KLHL11: variants seen among roughly 807,000 people sequenced by gnomAD.
The protein encoded by KLHL11 is kelch-like protein 11.
In KLHL11, 26 loss-of-function variants were observed where a neutral mutation model predicts 56.1. That is an observed-to-expected ratio of 0.46 (90% confidence interval 0.34 to 0.64). The LOEUF is 0.64. KLHL11 is among the 30% of genes least tolerant of loss of function. The pLI is 0.01. For missense variants in KLHL11, 627 were observed against 919.4 expected, an observed-to-expected ratio of 0.68 and a Z score of 4.11; for synonymous variants, 338 against 345.8, an observed-to-expected ratio of 0.98 and a Z score of 0.25.
Position 41,849,969 on chromosome 17 carries a change from T to A in KLHL11, c.*3771A>T, listed in dbSNP as rs1295194364. The A allele has an allele frequency of 6.6e-6, 1 of 152,228 alleles. No individual in the cohort carries two copies. Among genetic ancestry groups the A allele is most frequent in the Non-Finnish European group, 1.5e-5 (1 of 68,028 alleles). The allele number at this position is 152,228 out of a possible 1,614,324, so 9.4% of individuals were successfully genotyped here. The stretch of plus-strand genomic sequence containing the variant: ...GCAACAAAACAAAGGTTTGCTTGAA[T>A]ACGCATTAAGCTGTCTTTCTAAAGT... On this transcript the variant is annotated 3_prime_UTR_variant, in exon 2 of 2. Transcript: ENST00000319121.
chr17:41,851,515 T>G lies in KLHL11; in HGVS notation c.*2225A>C, dbSNP rs1391362840. ...TACTCAGCAGGCTGAGGCAGGAGAATCACATGAACCCGGGAGGTGGAGGTT... is the reference window on the plus strand; with the variant it reads ...TACTCAGCAGGCTGAGGCAGGAGAAGCACATGAACCCGGGAGGTGGAGGTT... On this transcript the variant is annotated 3_prime_UTR_variant, in exon 2 of 2. Transcript: ENST00000319121. The G allele has an allele frequency of 6.7e-6, 1 of 149,784 alleles. No homozygotes were observed. Among genetic ancestry groups the G allele is most frequent in the African/African-American group, 2.5e-5 (1 of 40,436 alleles). The allele number at this position is 149,784 out of a possible 1,614,324, so 9.3% of individuals were successfully genotyped here. A position where few individuals can be genotyped will look rare whatever the true frequency, so the allele number is the denominator to read the frequency against.
chr17:41,858,146 C>A (rs894902444), intron 1 of KLHL11, among the ~76,000 whole-genome samples: 1 of 151,378 alleles, frequency 6.6e-6, no homozygotes, highest in Non-Finnish European at 1.5e-5. Context: ...TTAATTTGTC[C>A]TTGGCAAAGG....
intron 1 of KLHL11, among the ~76,000 whole-genome samples, chr17:41,861,325 G>A (rs1200811375): frequency 1.3e-5 from 2 of 152,130 alleles, no homozygotes; most frequent in Non-Finnish European, 2.9e-5. Context: ...TTCATATTTT[G>A]TATGACTCTC....
In KLHL11 at chr17:41,865,270, G is replaced by C. The variant is rs1338803641; in HGVS notation, c.101C>G (p.Ala34Gly). 1 of 1,574,294 alleles carries C rather than the reference G, an allele frequency of 6.4e-7. No individual in the cohort carries two copies. Among genetic ancestry groups the C allele is most frequent in the African/African-American group, 1.4e-5 (1 of 72,314 alleles). Residue 34 changes from alanine (A) to glycine (G), a missense_variant, in exon 1 of 2, where the codon GCA (alanine) becomes GGA (glycine). Physicochemically the swap from Ala to Gly is moderately conservative, Grantham distance 60 (BLOSUM62 0). This residue lies in a region of KLHL11 where 121 missense variants were observed against 116.2 expected (regional missense o/e 1.04). Coordinates refer to ENST00000319121, the MANE Select transcript of KLHL11 (RefSeq NM_018143.3). The stretch of plus-strand genomic sequence containing the variant: ...GCCTCGGACCTCGGCGGCCAGTCCT[G>C]CCGAGCCGGCGGCGGCCGTCTCCAT... ...ESMETAAAGS[A>G]GLAAEVRGSG...
chr17:41,850,620 G>T lies in KLHL11; in HGVS notation c.*3120C>A, dbSNP rs1433152941. The T allele has an allele frequency of 6.6e-6, 1 of 152,170 alleles. No homozygotes were observed. Among genetic ancestry groups the T allele is most frequent in the Non-Finnish European group, 1.5e-5 (1 of 68,034 alleles). The allele number at this position is 152,170 out of a possible 1,614,324, so 9.4% of individuals were successfully genotyped here. On this transcript the variant is annotated 3_prime_UTR_variant, in exon 2 of 2. Transcript: ENST00000319121. ...CTAGCACAGTCTGTTGGAGAGAAAT[G>T]AGAACTTCATTTAGTGAGCTTCATT...
Position 41,850,746 on chromosome 17 carries a change from T to C in KLHL11, c.*2994A>G, listed in dbSNP as rs2048327805. 1 of 152,076 alleles carries C rather than the reference T, an allele frequency of 6.6e-6. No individual in the cohort carries two copies. Among genetic ancestry groups the C allele is most frequent in the Non-Finnish European group, 1.5e-5 (1 of 68,018 alleles). The allele number at this position is 152,076 out of a possible 1,614,324, so 9.4% of individuals were successfully genotyped here. A position where few individuals can be genotyped will look rare whatever the true frequency, so the allele number is the denominator to read the frequency against. ...TAAAATAACTACAAAGAAATAGAAA[T>C]TGAGAAAAAGGTAGTGGTGGGATGG... On this transcript the variant is annotated 3_prime_UTR_variant, in exon 2 of 2. Coordinates refer to ENST00000319121, the MANE Select transcript of KLHL11 (RefSeq NM_018143.3).
intron 1 of KLHL11, 152 bp downstream of exon 1, chr17:41,864,674 C>T (rs1482577000): frequency 7.0e-6 from 6 of 853,000 alleles, no homozygotes; most frequent in Non-Finnish European, 9.9e-6. Flanking sequence ...ACCGCGGTGG[C>T]TGCCCCCAAG....
In KLHL11 at chr17:41,854,277, C is replaced by T. The variant is rs141426042; in HGVS notation, c.1590G>A (p.Glu530=). 17 of 1,614,086 alleles carry T rather than the reference C, an allele frequency of 1.1e-5. No individual in the cohort carries two copies. The highest frequency in any genetic ancestry group is 1.4e-5 in the Non-Finnish European group (17 of 1,180,042). The change falls in exon 2 of 2, where the codon GAG becomes GAA. Residue 530 remains glutamate, a synonymous_variant. Coordinates refer to ENST00000319121, the MANE Select transcript of KLHL11 (RefSeq NM_018143.3). This position sits in a 1 kb window ranked among gnomAD's most constrained non-coding sequence, Gnocchi z 4.9. ...ATTCCACATCTTGCCACTGTCGAGT[C>T]TCTGTATCATAGCAAGTAATTACAG... is the stretch of plus-strand genomic sequence containing the variant. The part of the protein sequence containing the change: ...LKAVITCYDT[E]TRQWQDVESL...
intron 1 of KLHL11, among the ~76,000 whole-genome samples, chr17:41,860,584 C>A (rs1156831696): frequency 1.3e-5 from 2 of 152,076 alleles, no homozygotes; most frequent in African/African-American, 2.4e-5. Context: ...CCCAATAGAG[C>A]AGGAGCAAAT....
chr17:41,861,582 A>C (rs782126574), intron 1 of KLHL11, among the ~76,000 whole-genome samples: 1 of 147,188 alleles, frequency 6.8e-6, no homozygotes, highest in Non-Finnish European at 1.5e-5. Flanking sequence ...GCTACTTGGG[A>C]GGCTGAGGCA....
Position 41,854,452 on chromosome 17 carries a change from G to C in KLHL11, c.1415C>G (p.Thr472Ser). 6.2e-7 allele frequency: 1 copy of C among 1,614,178 alleles called. No individual in the cohort carries two copies. Among genetic ancestry groups the C allele is most frequent in the South Asian group, 1.1e-5 (1 of 91,088 alleles). ...GNFSPGFKDV[T>S]VYNPELDKWH... ...TTTATCAAGCTCAGGATTATAAACAGTCACATCTTTAAAACCAGGACTAAA... is the reference window on the plus strand; with the variant it reads ...TTTATCAAGCTCAGGATTATAAACACTCACATCTTTAAAACCAGGACTAAA... The change falls in exon 2 of 2, where the codon ACT (threonine) becomes AGT (serine). Residue 472 changes from threonine (T) to serine (S), a missense_variant. By Grantham distance (58) the Thr-to-Ser change is moderately conservative (BLOSUM62 1). Coordinates refer to ENST00000319121, the MANE Select transcript of KLHL11 (RefSeq NM_018143.3). The surrounding 1 kb of genome is among the most constrained non-coding windows in gnomAD (Gnocchi z 4.9).
At chr17:41,858,525 C>T (rs554894008) in intron 1 of KLHL11, among the ~76,000 whole-genome samples, 10 of 151,434 alleles carry the variant, frequency 6.6e-5, no homozygotes, top group African/African-American at 9.7e-5. Context: ...CTCCGCCTCC[C>T]GGGTTCAAGC....
Position 41,853,752 on chromosome 17 carries a change from C to A in KLHL11, c.2115G>T (p.Gln705His). 1.2e-6 allele frequency: 2 copies of A among 1,609,530 alleles called. No individual in the cohort carries two copies. Among genetic ancestry groups the A allele is most frequent in the Non-Finnish European group, 1.7e-6 (2 of 1,176,568 alleles). ...CGCTTGAGAGAACCTAGCATTCAAT[C>A]TGAGAGCTTGGCACTCGCCTCATGT... is the stretch of plus-strand genomic sequence containing the variant. Reference protein sequence around the residue: ...ALNMRRVPSSQIEC With the variant: ...ALNMRRVPSSHIEC The change falls in exon 2 of 2, where the codon CAG becomes CAT. Residue 705 changes from glutamine (Q) to histidine (H), a missense_variant. Around this residue, in one of 4 missense-constraint regions of KLHL11, gnomAD observed 250 missense variants for 360.6 expected, o/e 0.69. Transcript: ENST00000319121.
chr17:41,852,502 A>T lies in KLHL11; in HGVS notation c.*1238T>A, dbSNP rs2048337330. Among the ~76,000 whole-genome samples the T allele has an allele frequency of 6.6e-6, 1 of 151,974 alleles. No homozygotes were observed. The highest frequency in any genetic ancestry group is 6.6e-5 in the Admixed American group (1 of 15,250). On this transcript the variant is annotated 3_prime_UTR_variant, in exon 2 of 2. Coordinates refer to ENST00000319121, the MANE Select transcript of KLHL11 (RefSeq NM_018143.3). ...AAAAAAACAGTTTCTTGTAGAAAAG[A>T]ATAATGGACTGGGCACGGTGGCTCA...
rs2144150706 is a variant in KLHL11, at chr17:41,853,275, T to C, written c.*465A>G. On this transcript the variant is annotated 3_prime_UTR_variant, in exon 2 of 2. Coordinates refer to ENST00000319121, the MANE Select transcript of KLHL11 (RefSeq NM_018143.3). ...GAGTGTTTTCATTCAAATTTCAGTCTCACTATTGCACATGCCTCCTGCAGA... is the reference window on the plus strand; with the variant it reads ...GAGTGTTTTCATTCAAATTTCAGTCCCACTATTGCACATGCCTCCTGCAGA... Among the ~76,000 whole-genome samples, 1 of 152,338 alleles carries C rather than the reference T, an allele frequency of 6.6e-6. No individual in the cohort carries two copies. The highest frequency in any genetic ancestry group is 2.1e-4 in the South Asian group (1 of 4,828).
At chr17:41,862,374 G>A (rs1399838885) in intron 1 of KLHL11, among the ~76,000 whole-genome samples, 2 of 151,460 alleles carry the variant, frequency 1.3e-5, no homozygotes, top group African/African-American at 4.9e-5. Context: ...CTGGGTTCAC[G>A]CCATTCTCCT....
intron 1 of KLHL11, among the ~76,000 whole-genome samples, chr17:41,858,218 C>CTTT (rs1174225045): frequency 1.0e-3 from 121 of 116,374 alleles, no homozygotes; most frequent in Non-Finnish European, 1.3e-3. Flanking sequence ...TCACCAGCCT[C>CTTT]TTTTTTTTTT....
rs566584745 is a variant in KLHL11, at chr17:41,853,892, C to T, written c.1975G>A (p.Val659Met). ...QPRCRATACHVRIPYRYLHGT... is the reference protein window; with the variant it reads ...QPRCRATACHMRIPYRYLHGT... The stretch of plus-strand genomic sequence containing the variant: ...TGCAAGTACCGGTATGGGATCCTCA[C>T]GTGACAAGCAGTGGCTCTACAACGA... Residue 659 changes from valine (V) to methionine (M), a missense_variant, in exon 2 of 2, where the codon GTG becomes ATG. Around this residue, in one of 4 missense-constraint regions of KLHL11, gnomAD observed 250 missense variants for 360.6 expected, o/e 0.69. Coordinates refer to ENST00000319121, the MANE Select transcript of KLHL11 (RefSeq NM_018143.3). 1.2e-5 allele frequency: 19 copies of T among 1,614,184 alleles called. No homozygotes were observed. Among genetic ancestry groups the T allele is most frequent in the Non-Finnish European group, 1.4e-5 (16 of 1,180,046 alleles).
At position 41,865,206 on chromosome 17, in the gene KLHL11, A is replaced by C; in HGVS notation, c.165T>G (p.Ser55=). 1 of 1,607,154 alleles carries C rather than the reference A, an allele frequency of 6.2e-7. No individual in the cohort carries two copies. Among genetic ancestry groups the C allele is most frequent in the Non-Finnish European group, 8.5e-7 (1 of 1,177,804 alleles). Residue 55 remains serine (S), a synonymous_variant, in exon 1 of 2, where the codon TCT becomes TCG. Coordinates refer to ENST00000319121, the MANE Select transcript of KLHL11 (RefSeq NM_018143.3). ...TVDFGPGPGI[S]AMEASGGDPG... ...GATCGCCCCCGCTCGCCTCCATTGC[A>C]GAGATCCCCGGCCCAGGCCCGAAGT...
Sources: allele counts gnomAD v4.1 joint callset (sites outside exome capture counted in the v4.1 genomes callset), GRCh38; gene constraint gnomAD v4.1.1; regional missense constraint gnomAD v4.1.1; non-coding constraint Gnocchi (gnomAD v3.1); transcripts MANE v1.5; gene names NCBI Gene and HGNC (gene_info 2026-07-23, HGNC 2026-07-21).